HOOK3: variants seen among roughly 807,000 people sequenced by gnomAD.
HOOK3 encodes hook microtubule tethering protein 3.
A neutral mutation model predicts 116.3 loss-of-function variants in HOOK3; 24 were observed. The observed-to-expected ratio is 0.21, with a 90% confidence interval of 0.15 to 0.29. The LOEUF is 0.29. Among genes scored for constraint, HOOK3 ranks in the 10% least tolerant of loss-of-function variants. The pLI is 1.00. For missense variants in HOOK3, 632 were observed against 830.2 expected, an observed-to-expected ratio of 0.76 and a Z score of 2.93; for synonymous variants, 275 against 283.0, an observed-to-expected ratio of 0.97 and a Z score of 0.28.
At chr8:42,976,256 A>G (rs1808825740) in intron 13 of HOOK3, among the ~76,000 whole-genome samples, 1 of 151,942 alleles carries the variant, frequency 6.6e-6, no homozygotes, top group South Asian at 2.1e-4. Context: ...CCTGTAATCT[A>G]ACCCTTGGGG....
chr8:42,975,558 G>A (rs1808806289), intron 13 of HOOK3, among the ~76,000 whole-genome samples: 1 of 152,204 alleles, frequency 6.6e-6, no homozygotes, highest in Admixed American at 6.5e-5. Flanking sequence ...GACACGGGAT[G>A]AGTCAAGAAG....
chr8:42,905,620 A>G (rs1807290357), intron 1 of HOOK3, among the ~76,000 whole-genome samples: 1 of 152,060 alleles, frequency 6.6e-6, no homozygotes, highest in African/African-American at 2.4e-5. Context: ...AGTAGAATGG[A>G]TGCTGGGAAG....
chr8:42,929,222 T>C (rs1265497767), intron 3 of HOOK3, among the ~76,000 whole-genome samples: 3 of 152,232 alleles, frequency 2.0e-5, no homozygotes, highest in Admixed American at 2.0e-4. Context: ...TTTCCATATC[T>C]GCAAATTTTT....
At chr8:42,964,155 C>T (rs1467912881) in intron 8 of HOOK3, among the ~76,000 whole-genome samples, 156 bp from the exon 9 acceptor site, 7 of 152,196 alleles carry the variant, frequency 4.6e-5, no homozygotes, top group Admixed American at 6.5e-5. Flanking sequence ...TTCAGTGAGC[C>T]GAGATTGCGC....
In HOOK3 at chr8:42,943,365, G is replaced by A; in HGVS notation, c.320G>A (p.Gly107Glu). The A allele has an allele frequency of 6.4e-7, 1 of 1,565,684 alleles. No homozygotes were observed. Among genetic ancestry groups the A allele is most frequent in the Non-Finnish European group, 8.7e-7 (1 of 1,154,100 alleles). The change falls in exon 5 of 22, where the codon GGG (glycine) becomes GAG (glutamate). Residue 107 changes from glycine (G) to glutamate (E), a missense_variant. Gly to Glu is a moderately conservative substitution (Grantham distance 98, BLOSUM62 -2). Coordinates refer to ENST00000307602, the MANE Select transcript of HOOK3 (RefSeq NM_032410.4). ...DFTLPDVNLI[G>E]EHSDAAELGR... is the part of the protein sequence containing the mutation. The stretch of plus-strand genomic sequence containing the variant: ...ACCCTTCCTGATGTGAACCTTATTG[G>A]GGAGCATTCTGATGCAGCAGAGCTT...
At chr8:42,904,402 C>G (rs994664623) in intron 1 of HOOK3, among the ~76,000 whole-genome samples, 3 of 151,478 alleles carry the variant, frequency 2.0e-5, no homozygotes, top group African/African-American at 7.3e-5. Context: ...CTCCGCCTCC[C>G]GGGTTCAAGC....
At chr8:42,942,259 A>G (rs1437852652) in intron 4 of HOOK3, among the ~76,000 whole-genome samples, 18 of 152,230 alleles carry the variant, frequency 1.2e-4, no homozygotes, top group Non-Finnish European at 1.3e-4. Flanking sequence ...TCTCAAAAAA[A>G]TAAAGAAAGA....
intron 2 of HOOK3, among the ~76,000 whole-genome samples, chr8:42,923,728 G>C (rs899567077): frequency 6.6e-6 from 1 of 152,200 alleles, no homozygotes. Context: ...AGTGCTCTGA[G>C]ACTAGATTGT....
chr8:42,953,626 G>A (rs534962427), intron 6 of HOOK3, among the ~76,000 whole-genome samples: 5 of 151,528 alleles, frequency 3.3e-5, no homozygotes, highest in Non-Finnish European at 7.4e-5. Flanking sequence ...CATTTATCTA[G>A]CATCTACTAT....
At chr8:42,978,762 T>C (rs942758436) in intron 13 of HOOK3, among the ~76,000 whole-genome samples, 1 of 152,148 alleles carries the variant, frequency 6.6e-6, no homozygotes, top group African/African-American at 2.4e-5. Flanking sequence ...TTGGCCAGGC[T>C]GATCTTGAAC....
At chr8:42,963,588 T>A (rs1007928617) in intron 8 of HOOK3, among the ~76,000 whole-genome samples, 2 of 152,228 alleles carry the variant, frequency 1.3e-5, no homozygotes, top group Non-Finnish European at 2.9e-5. Flanking sequence ...TTTAAGAAAT[T>A]GCTAAACTAT....
rs1431337337 is a variant in HOOK3 at position 43,027,478 on chromosome 8, C to T, written c.*8980C>T. 4 of 467,220 alleles carry T rather than the reference C, an allele frequency of 8.6e-6. No individual in the cohort carries two copies. Among genetic ancestry groups the T allele is most frequent in the Non-Finnish European group, 1.7e-5 (4 of 239,328 alleles). 28.9% of individuals were successfully genotyped at this position (467,220 alleles called of 1,614,324 possible). On this transcript the variant is annotated 3_prime_UTR_variant, in exon 22 of 22. Transcript: ENST00000307602. ...AAAACGTTTCTCTTCTACCTTACCC[C>T]CTGTTCTACTGACGTGCTTTGCATG... is the stretch of plus-strand genomic sequence containing the variant.
intron 7 of HOOK3, among the ~76,000 whole-genome samples, chr8:42,958,092 A>G (rs1048993427): frequency 1.7e-4 from 26 of 152,258 alleles, no homozygotes; most frequent in African/African-American, 5.8e-4. Context: ...TCGGCTTCCC[A>G]AAGTGCTGGG....
At chr8:42,976,607 G>A (rs762430071) in intron 13 of HOOK3, among the ~76,000 whole-genome samples, 3 of 152,056 alleles carry the variant, frequency 2.0e-5, no homozygotes, top group East Asian at 1.9e-4. Flanking sequence ...TATAAGAATG[G>A]TGTTTCTTGG....
At chr8:43,015,677 ATC>A (rs779043640) in intron 21 of HOOK3, among the ~76,000 whole-genome samples, 7 of 152,214 alleles carry the variant, frequency 4.6e-5, no homozygotes, top group Non-Finnish European at 1.0e-4. Context: ...AGTGTTAGCA[ATC>A]TAGGAGCTCT....
At chr8:42,969,593 C>G (rs1808691251) in intron 11 of HOOK3, among the ~76,000 whole-genome samples, 1 of 152,174 alleles carries the variant, frequency 6.6e-6, no homozygotes, top group African/African-American at 2.4e-5. Flanking sequence ...CCACTGCATT[C>G]CAGCTTTGCT....
At chr8:42,949,887 A>C (rs986789152) in intron 5 of HOOK3, among the ~76,000 whole-genome samples, 8 of 151,896 alleles carry the variant, frequency 5.3e-5, no homozygotes, top group African/African-American at 1.9e-4. Context: ...ACTGCACTCC[A>C]GCCTGGCGAC....
At chr8:42,937,670 G>T (rs1807999624) in intron 4 of HOOK3, among the ~76,000 whole-genome samples, 1 of 145,088 alleles carries the variant, frequency 6.9e-6, no homozygotes, top group African/African-American at 2.9e-5. Flanking sequence ...TCAGGAGCAG[G>T]TTGTTCAGTT....
At chr8:42,998,398 G>C (rs1355667999) in intron 16 of HOOK3, among the ~76,000 whole-genome samples, 1 of 152,132 alleles carries the variant, frequency 6.6e-6, no homozygotes, top group African/African-American at 2.4e-5. Context: ...GCTTCAACCA[G>C]ATGTTTTGTT....
Sources: gnomAD v4.1 joint callset for allele counts (sites outside exome capture counted in the v4.1 genomes callset) on GRCh38, gnomAD v4.1.1 for gene constraint, MANE v1.5 for transcripts, NCBI Gene and HGNC (gene_info 2026-07-23, HGNC 2026-07-21) for gene names.